GRIN2B: variants seen among roughly 807,000 people sequenced by gnomAD.
GRIN2B encodes the protein glutamate receptor ionotropic, NMDA 2B.
In GRIN2B, 5 loss-of-function variants were observed where a neutral mutation model predicts 114.5. The ratio of observed to expected loss-of-function variants is 0.04; its 90% confidence interval spans 0.02 to 0.09. GRIN2B has a LOEUF of 0.09. Ranked by LOEUF, GRIN2B falls within the 10% of genes least tolerant of loss-of-function variation. The pLI is 1.00. For synonymous variants in GRIN2B, 787 were observed against 745.1 expected (o/e 1.06, Z -0.92); for missense variants, 1,108 against 1,943.5 (o/e 0.57, Z 8.08).
intron 5 of GRIN2B, among the ~76,000 whole-genome samples, chr12:13,674,329 T>C (rs542123257): frequency 6.6e-6 from 1 of 152,208 alleles, no homozygotes; most frequent in African/African-American, 2.4e-5. Flanking sequence ...CACTGCACTC[T>C]AGTCTGAGTG....
intron 10 of GRIN2B, among the ~76,000 whole-genome samples, chr12:13,573,103 A>G (rs977144844): frequency 6.7e-6 from 1 of 149,328 alleles, no homozygotes; most frequent in African/African-American, 2.5e-5. Flanking sequence ...TAAGAAGGAG[A>G]TGATAATGCC....
Position 13,918,188 on chromosome 12 carries a change from C to T in GRIN2B, c.-18-51962G>A, listed in dbSNP as rs143970778. 4.6e-3 allele frequency among the ~76,000 whole-genome samples: 702 copies of T among 152,258 alleles called. 5 individuals are homozygous for T. The highest frequency in any genetic ancestry group is 0.017 in the African/African-American group (691 of 41,536). ...ACTCCTCTGGACCTTAATTTTCTAA[C>T]CTGTAAAATGGGAATAGTAATACCT... On this transcript the variant is annotated intron_variant, in intron 2 of 13. Coordinates refer to ENST00000609686, the MANE Select transcript of GRIN2B (RefSeq NM_000834.5).
At chr12:13,820,144 T>C (rs1325858754) in intron 3 of GRIN2B, among the ~76,000 whole-genome samples, 1 of 152,188 alleles carries the variant, frequency 6.6e-6, no homozygotes, top group Non-Finnish European at 1.5e-5. Context: ...AACACAGCCA[T>C]GCTGACCCTA....
chr12:13,935,425 T>C (rs1478095764), intron 2 of GRIN2B, among the ~76,000 whole-genome samples: 1 of 152,198 alleles, frequency 6.6e-6, no homozygotes, highest in East Asian at 1.9e-4. Flanking sequence ...AAAAGCATTT[T>C]CTCCATAGTA....
chr12:13,765,457 C>T (rs1459655516), intron 3 of GRIN2B, among the ~76,000 whole-genome samples: 1 of 152,208 alleles, frequency 6.6e-6, no homozygotes, highest in Non-Finnish European at 1.5e-5. Flanking sequence ...CTTTGGGTCT[C>T]ATGCTCTCCT....
intron 3 of GRIN2B, among the ~76,000 whole-genome samples, chr12:13,789,997 T>C (rs538546246): frequency 6.6e-6 from 1 of 152,316 alleles, no homozygotes; most frequent in Non-Finnish European, 1.5e-5. Context: ...ATCCTTACTC[T>C]TCCTACATAG....
Position 13,857,205 on chromosome 12 carries a change from C to T in GRIN2B, c.411+8593G>A, listed in dbSNP as rs1865676150. On this transcript the variant is annotated intron_variant, in intron 3 of 13. Transcript: ENST00000609686. The stretch of plus-strand genomic sequence containing the variant: ...GAGAATGAGCATCAAGGAAAGCTTT[C>T]ATGTTTGTTTAATAAGATGAGAGTG... Among the ~76,000 whole-genome samples, 3 of 152,122 alleles carry T rather than the reference C, an allele frequency of 2.0e-5. No homozygotes were observed. The South Asian group carries it at 6.2e-4, about 32-fold the overall frequency.
intron 2 of GRIN2B, among the ~76,000 whole-genome samples, chr12:13,965,642 A>G (rs1041583127): frequency 1.3e-5 from 2 of 152,054 alleles, no homozygotes; most frequent in African/African-American, 4.8e-5. Flanking sequence ...TTAAAGATAT[A>G]CTTCTTGTTC....
chr12:13,642,821 A>G (rs1477971888), intron 5 of GRIN2B, among the ~76,000 whole-genome samples: 1 of 152,192 alleles, frequency 6.6e-6, no homozygotes, highest in East Asian at 1.9e-4. Flanking sequence ...ACTGAAGCCC[A>G]GACTGGTTTA....
chr12:13,866,943 G>A (rs1865838026), intron 2 of GRIN2B, among the ~76,000 whole-genome samples: 1 of 152,186 alleles, frequency 6.6e-6, no homozygotes, highest in African/African-American at 2.4e-5. Context: ...GAGAAGCTAA[G>A]TGTTCTAAGA....
At chr12:13,842,990 T>C (rs980671100) in intron 3 of GRIN2B, among the ~76,000 whole-genome samples, 1 of 144,162 alleles carries the variant, frequency 6.9e-6, no homozygotes, top group African/African-American at 2.6e-5. Context: ...TTGCGGTGTT[T>C]TGTTTTTTTT....
At chr12:13,857,449 T>G (rs1164386475) in intron 3 of GRIN2B, among the ~76,000 whole-genome samples, 1 of 151,808 alleles carries the variant, frequency 6.6e-6, no homozygotes, top group Non-Finnish European at 1.5e-5. Flanking sequence ...CCTCATACAT[T>G]CCCAAACATC....
At chr12:13,850,834 T>G (rs1407937965) in intron 3 of GRIN2B, among the ~76,000 whole-genome samples, 1 of 152,166 alleles carries the variant, frequency 6.6e-6, no homozygotes, top group African/African-American at 2.4e-5. Flanking sequence ...TTTAGATAAG[T>G]GTTCTAGTTT....
chr12:13,731,076 G>A (rs539573759), intron 4 of GRIN2B, among the ~76,000 whole-genome samples: 39 of 152,222 alleles, frequency 2.6e-4, no homozygotes, highest in Non-Finnish European at 4.1e-4. Flanking sequence ...CTTTTTTCTA[G>A]ATACTCTTCT....
chr12:13,821,216 A>G (rs927246886), intron 3 of GRIN2B, among the ~76,000 whole-genome samples: 2 of 152,100 alleles, frequency 1.3e-5, no homozygotes, highest in African/African-American at 4.8e-5. Context: ...TTTTTCAGGG[A>G]CCAGCTCAAG....
rs997267898 is a variant in GRIN2B at position 13,552,332 on chromosome 12, G to C, written c.*10451C>G. ...CTCACTCATCTCCGCTTTGGTCCTTGCTCTTTCAAGTTTCCCTACTTTCCG... is the reference window on the plus strand; with the variant it reads ...CTCACTCATCTCCGCTTTGGTCCTTCCTCTTTCAAGTTTCCCTACTTTCCG... On this transcript the variant is annotated 3_prime_UTR_variant, in exon 14 of 14. Coordinates refer to ENST00000609686, the MANE Select transcript of GRIN2B (RefSeq NM_000834.5). The C allele has an allele frequency of 6.6e-6, 1 of 152,162 alleles. No individual in the cohort carries two copies. Among genetic ancestry groups the C allele is most frequent in the South Asian group, 2.1e-4 (1 of 4,824 alleles). 9.4% of individuals were successfully genotyped at this position (152,162 alleles called of 1,614,324 possible).
chr12:13,917,874 T>C (rs73293519), intron 2 of GRIN2B, among the ~76,000 whole-genome samples: 2,943 of 152,244 alleles, frequency 0.019, 115 homozygotes, highest in African/African-American at 0.066. Flanking sequence ...TAGAAAAATA[T>C]CAGATTTTTG....
intron 2 of GRIN2B, among the ~76,000 whole-genome samples, chr12:13,916,712 T>TACACACACACACAC (rs1156830012): frequency 3.9e-4 from 38 of 96,940 alleles, no homozygotes; most frequent in African/African-American, 1.4e-3. Flanking sequence ...CATATACATA[T>TACACACACACACAC]ACACACACAC....
chr12:13,839,899 T>TA lies in GRIN2B; in HGVS notation c.411+25898dup, dbSNP rs200298982. 8.5e-3 allele frequency among the ~76,000 whole-genome samples: 1,290 copies of TA among 152,284 alleles called. 18 individuals are homozygous for TA. The highest frequency in any genetic ancestry group is 0.029 in the African/African-American group (1,221 of 41,560). ...GTCCAGTAAGCTCATTCAATGGACATAAAAAAATCTCCATAATAGAAAATA... is the reference window on the plus strand; with the variant it reads ...GTCCAGTAAGCTCATTCAATGGACATAAAAAAAATCTCCATAATAGAAAATA... On this transcript the variant is annotated intron_variant, in intron 3 of 13. Transcript: ENST00000609686.
Sources: gnomAD v4.1 joint callset for allele counts (sites outside exome capture counted in the v4.1 genomes callset) on GRCh38, gnomAD v4.1.1 for gene constraint, MANE v1.5 for transcripts, NCBI Gene and HGNC (gene_info 2026-07-23, HGNC 2026-07-21) for gene names.